The following EXT1 variants were observed in gnomAD, a reference collection of about 807,000 sequenced individuals.
EXT1 encodes the protein exostosin-1.
Under a neutral mutation model 82.5 loss-of-function variants are expected in EXT1, and 20 were observed. The observed-to-expected ratio is 0.24, with a 90% CI of 0.17 to 0.35. The LOEUF (loss-of-function observed/expected upper bound fraction) is 0.35, where lower values mean the gene tolerates loss of function less well. EXT1 is among the 10% of genes least tolerant of loss of function. EXT1 has a pLI of 1.00. For synonymous variants in EXT1, 348 were observed against 350.8 expected (o/e 0.99, Z 0.09); for missense variants, 757 against 936.5 (o/e 0.81, Z 2.50).
At chr8:117,818,393 G>A (rs147690097) in intron 7 of EXT1, 42 bp downstream of exon 7, 197 of 1,550,008 alleles carry the variant, frequency 1.3e-4, no homozygotes, top group Middle Eastern at 1.7e-4. Flanking sequence ...AGAAACCAAG[G>A]CTCCACAGTG....
chr8:118,005,912 G>A (rs1164343338), intron 1 of EXT1, among the ~76,000 whole-genome samples: 1 of 152,174 alleles, frequency 6.6e-6, no homozygotes, highest in Non-Finnish European at 1.5e-5. Flanking sequence ...CGGCTTACAA[G>A]AAGTGTCCAT....
intron 1 of EXT1, among the ~76,000 whole-genome samples, chr8:118,008,527 C>T (rs941675433): frequency 9.2e-5 from 14 of 152,296 alleles, no homozygotes; most frequent in African/African-American, 3.4e-4. Flanking sequence ...GCTGGGATTA[C>T]AGGCCTGAGC....
chr8:117,819,412 G>A (rs1289815414), intron 6 of EXT1, among the ~76,000 whole-genome samples: 1 of 152,166 alleles, frequency 6.6e-6, no homozygotes, highest in Non-Finnish European at 1.5e-5. Flanking sequence ...CTATGTTGGT[G>A]TATGTATATA....
At chr8:117,984,874 C>T (rs1815285402) in intron 1 of EXT1, among the ~76,000 whole-genome samples, 1 of 152,106 alleles carries the variant, frequency 6.6e-6, no homozygotes, top group Non-Finnish European at 1.5e-5. Context: ...TCCACCACCT[C>T]AAAAATGATC....
intron 1 of EXT1, among the ~76,000 whole-genome samples, chr8:117,981,574 C>T (rs1815204012): frequency 6.6e-6 from 1 of 152,106 alleles, no homozygotes; most frequent in Admixed American, 6.5e-5. Context: ...AAAGTACTTT[C>T]TGCTGGGCAT....
intron 10 of EXT1, among the ~76,000 whole-genome samples, 167 bp from the exon 11 acceptor site, chr8:117,800,064 T>C (rs529029239): frequency 5.9e-5 from 9 of 152,316 alleles, no homozygotes; most frequent in Non-Finnish European, 8.8e-5. Context: ...ATCGCTGATA[T>C]TGGTTTTTCC....
At chr8:118,003,925 C>T (rs1815724804) in intron 1 of EXT1, among the ~76,000 whole-genome samples, 1 of 152,084 alleles carries the variant, frequency 6.6e-6, no homozygotes, top group Non-Finnish European at 1.5e-5. Context: ...ACAGAAAAAC[C>T]ATATTACCAC....
At chr8:118,015,321 A>G (rs1341548960) in intron 1 of EXT1, among the ~76,000 whole-genome samples, 2 of 152,230 alleles carry the variant, frequency 1.3e-5, no homozygotes, top group Non-Finnish European at 2.9e-5. Flanking sequence ...GTTTAACCCA[A>G]GCCTTTTCTT....
intron 1 of EXT1, among the ~76,000 whole-genome samples, chr8:118,015,357 C>T (rs1230372901): frequency 6.6e-6 from 1 of 152,118 alleles, no homozygotes; most frequent in Non-Finnish European, 1.5e-5. Context: ...ACTTCTTCCC[C>T]GCAAAATGAA....
At chr8:117,953,895 G>C (rs1586306466) in intron 1 of EXT1, among the ~76,000 whole-genome samples, 2 of 151,822 alleles carry the variant, frequency 1.3e-5, no homozygotes, top group Admixed American at 1.3e-4. Context: ...GGGGGACAGA[G>C]CAAGACTCCA....
chr8:117,971,700 C>T (rs1267693584), intron 1 of EXT1, among the ~76,000 whole-genome samples: 1 of 152,206 alleles, frequency 6.6e-6, no homozygotes, highest in Admixed American at 6.5e-5. Flanking sequence ...CACCAAAAAA[C>T]CCACTCCATG....
intron 1 of EXT1, among the ~76,000 whole-genome samples, chr8:117,946,421 T>C (rs1029049208): frequency 6.6e-6 from 1 of 152,170 alleles, no homozygotes; most frequent in African/African-American, 2.4e-5. Flanking sequence ...AAGCACTTAG[T>C]GCACAGTAAA....
At chr8:118,070,249 T>C in intron 1 of EXT1, among the ~76,000 whole-genome samples, 1 of 151,110 alleles carries the variant, frequency 6.6e-6, no homozygotes, top group South Asian at 2.1e-4. Flanking sequence ...TGTGTGTGTG[T>C]GTGTGTGTGT....
intron 1 of EXT1, among the ~76,000 whole-genome samples, chr8:117,906,651 ACTT>A (rs1474871352): frequency 6.6e-6 from 1 of 152,194 alleles, no homozygotes; most frequent in African/African-American, 2.4e-5. Context: ...TGTATCTTAA[ACTT>A]CTAACACACA....
chr8:118,102,897 G>A (rs1336361975), intron 1 of EXT1, among the ~76,000 whole-genome samples: 1 of 151,998 alleles, frequency 6.6e-6, no homozygotes, highest in African/African-American at 2.4e-5. Flanking sequence ...GCTCATGCCT[G>A]TAATCTCAGC....
intron 1 of EXT1, among the ~76,000 whole-genome samples, chr8:117,935,053 C>A (rs1814133245): frequency 6.6e-6 from 1 of 152,156 alleles, no homozygotes; most frequent in Non-Finnish European, 1.5e-5. Flanking sequence ...CATTCTGTTA[C>A]TTACTAAACT....
intron 1 of EXT1, among the ~76,000 whole-genome samples, chr8:117,844,558 A>G (rs759664789): frequency 6.6e-6 from 1 of 152,174 alleles, no homozygotes; most frequent in Non-Finnish European, 1.5e-5. Context: ...GTGGGAACCA[A>G]TCTTTTAGCT....
At chr8:117,852,250 G>C (rs953596893) in intron 1 of EXT1, among the ~76,000 whole-genome samples, 3 of 152,170 alleles carry the variant, frequency 2.0e-5, no homozygotes, top group Non-Finnish European at 2.9e-5. Context: ...GCTTTTTGGA[G>C]ATGTCCCATT....
At chr8:118,031,479 C>A (rs891774674) in intron 1 of EXT1, among the ~76,000 whole-genome samples, 10 of 150,948 alleles carry the variant, frequency 6.6e-5, no homozygotes, top group African/African-American at 2.4e-4. Context: ...GAGCTGAGAT[C>A]GAGTCATTGT....
Sources: gnomAD v4.1 joint callset for allele counts (sites outside exome capture counted in the v4.1 genomes callset) on GRCh38, gnomAD v4.1.1 for gene constraint, MANE v1.5 for transcripts, NCBI Gene and HGNC (gene_info 2026-07-23, HGNC 2026-07-21) for gene names.